TENM4: variants seen among roughly 807,000 people sequenced by gnomAD.
The protein encoded by TENM4 is teneurin transmembrane protein 4.
TENM4 carries 82 observed loss-of-function variants against 243.3 expected under a neutral mutation model. The observed-to-expected ratio is 0.34, with a 90% CI of 0.28 to 0.40. The LOEUF (loss-of-function observed/expected upper bound fraction) is 0.40. Among genes scored for constraint, TENM4 ranks in the 10% least tolerant of loss-of-function variants. The pLI, the probability that TENM4 is intolerant of heterozygous loss-of-function variation, is 1.00. For missense variants in TENM4, 3,138 were observed against 3,673.3 expected (o/e 0.85, Z 3.77); for synonymous variants, 1,412 against 1,456.3 (o/e 0.97, Z 0.69).
chr11:79,315,393 G>T (rs1157236739), intron 1 of TENM4, among the ~76,000 whole-genome samples: 12 of 152,206 alleles, frequency 7.9e-5, no homozygotes, highest in Admixed American at 7.8e-4. Flanking sequence ...ACATCACATG[G>T]CCCCTGGAAA....
At chr11:78,997,915 G>T (rs1321188122) in intron 6 of TENM4, among the ~76,000 whole-genome samples, 1 of 152,186 alleles carries the variant, frequency 6.6e-6, no homozygotes, top group Admixed American at 6.5e-5. Context: ...AGGAGGAAAA[G>T]AGAAGTCTTC....
chr11:79,423,207 A>G (rs1258521265), intron 1 of TENM4, among the ~76,000 whole-genome samples: 1 of 152,144 alleles, frequency 6.6e-6, no homozygotes, highest in Non-Finnish European at 1.5e-5. Context: ...TTGACTAAGC[A>G]CCTACCATGT....
At chr11:79,068,292 T>C (rs12806326) in intron 5 of TENM4, 91,804 of 152,166 alleles carry the variant, frequency 0.6, 28,170 homozygotes, top group African/African-American at 0.64. Flanking sequence ...TGTTTATCCC[T>C]TTGCACAGGT....
In TENM4 at chr11:79,391,239, T is replaced by C. The variant is rs1421444741; in HGVS notation, c.-321+49270A>G. ...CTACAAGGGTGAGCTATTGCTATTG[T>C]TTTATAGTTCCTTTTTTTTTTCCAT... On this transcript the variant is annotated intron_variant, in intron 1 of 33. Coordinates refer to ENST00000278550, the MANE Select transcript of TENM4 (RefSeq NM_001098816.3). Among the ~76,000 whole-genome samples the C allele has an allele frequency of 4.6e-5, 7 of 152,138 alleles. No homozygotes were observed. The East Asian group carries it at 1.3e-3, about 29-fold the overall frequency.
At chr11:79,282,839 A>G (rs983724356) in intron 2 of TENM4, among the ~76,000 whole-genome samples, 5 of 151,776 alleles carry the variant, frequency 3.3e-5, no homozygotes, top group Non-Finnish European at 7.4e-5. Flanking sequence ...TGCAGGAAAA[A>G]GGCAGGAATT....
At chr11:78,675,205 T>G (rs929258801) in intron 30 of TENM4, among the ~76,000 whole-genome samples, 1 of 152,178 alleles carries the variant, frequency 6.6e-6, no homozygotes, top group Non-Finnish European at 1.5e-5. Flanking sequence ...TATGAGACTC[T>G]GGAAAAATCG....
chr11:79,281,556 G>A (rs145344201), intron 2 of TENM4, among the ~76,000 whole-genome samples: 4 of 152,242 alleles, frequency 2.6e-5, no homozygotes, highest in African/African-American at 9.6e-5. Flanking sequence ...GGAAATCATA[G>A]TCAAGATCAG....
chr11:79,008,229 A>G lies in TENM4; in HGVS notation c.493+56509T>C, dbSNP rs144840649. On this transcript the variant is annotated intron_variant, in intron 6 of 33. Transcript: ENST00000278550. ...AAGCAATTTCCTTAGCAAAGAAAAA[A>G]TATGCTCCAGAGACAGAGCGATTTC... Among the ~76,000 whole-genome samples the G allele has an allele frequency of 2.0e-3, 299 of 152,308 alleles. 1 individual carries two copies. Among genetic ancestry groups the G allele is most frequent in the Admixed American group, 4.0e-3 (61 of 15,294 alleles).
At chr11:79,096,501 A>T (rs933905601) in intron 4 of TENM4, 1 of 70,914 alleles carries the variant, frequency 1.4e-5, no homozygotes, top group African/African-American at 5.3e-5. Flanking sequence ...ACCCCACCCC[A>T]CCCCCACTCT....
At chr11:78,700,748 G>A (rs1310132720) in intron 28 of TENM4, among the ~76,000 whole-genome samples, 1 of 152,148 alleles carries the variant, frequency 6.6e-6, no homozygotes, top group African/African-American at 2.4e-5. Flanking sequence ...GTGGGCACTA[G>A]GACTGAAATA....
chr11:79,213,574 A>G (rs676026), intron 3 of TENM4, among the ~76,000 whole-genome samples: 55,454 of 152,028 alleles, frequency 0.36, 11,814 homozygotes, highest in Middle Eastern at 0.51. Flanking sequence ...TTCCTCCTCC[A>G]ATTTAGATGA....
At chr11:79,390,154 A>G (rs1182525480) in intron 1 of TENM4, among the ~76,000 whole-genome samples, 1 of 152,210 alleles carries the variant, frequency 6.6e-6, no homozygotes, top group Non-Finnish European at 1.5e-5. Flanking sequence ...CTCAGAGGTT[A>G]AAGGAAGAGG....
chr11:79,281,270 AGAG>A (rs541121978), intron 2 of TENM4, among the ~76,000 whole-genome samples: 5 of 152,290 alleles, frequency 3.3e-5, no homozygotes, highest in Admixed American at 2.6e-4. Context: ...TTTATTTCAC[AGAG>A]GAGGAGATGG....
intron 6 of TENM4, among the ~76,000 whole-genome samples, chr11:78,943,821 C>T (rs1284530935): frequency 6.6e-6 from 1 of 152,182 alleles, no homozygotes; most frequent in African/African-American, 2.4e-5. Flanking sequence ...CTATTCTGTA[C>T]TTAAAATGCT....
At chr11:79,419,235 T>C (rs947397241) in intron 1 of TENM4, among the ~76,000 whole-genome samples, 1 of 152,160 alleles carries the variant, frequency 6.6e-6, no homozygotes. Flanking sequence ...GTCATGGCAA[T>C]GTTGAATCAA....
chr11:78,946,970 T>C lies in TENM4; in HGVS notation c.494-43447A>G, dbSNP rs1272451696. ...ACTCTTGATGAAGATGCTGTGAACA[T>C]TGTTGAAATGACTGCAAAGAATTTA... On this transcript the variant is annotated intron_variant, in intron 6 of 33. Transcript: ENST00000278550. Among the ~76,000 whole-genome samples the C allele has an allele frequency of 2.6e-5, 4 of 152,184 alleles. No homozygotes were observed. In the East Asian group the frequency reaches 7.7e-4, roughly 29 times the overall value.
intron 6 of TENM4, among the ~76,000 whole-genome samples, chr11:79,019,411 C>T (rs1260484316): frequency 6.6e-6 from 1 of 152,164 alleles, no homozygotes; most frequent in Non-Finnish European, 1.5e-5. Flanking sequence ...CTCTCCAAAG[C>T]CCAACTCTTC....
chr11:78,831,643 C>G (rs1057405369), intron 12 of TENM4, among the ~76,000 whole-genome samples: 1 of 152,166 alleles, frequency 6.6e-6, no homozygotes, highest in Non-Finnish European at 1.5e-5. Flanking sequence ...GGTAGTGCAG[C>G]GGGGCTGGCA....
At chr11:79,146,615 G>A (rs148674893) in intron 4 of TENM4, among the ~76,000 whole-genome samples, 30 of 151,996 alleles carry the variant, frequency 2.0e-4, no homozygotes, top group African/African-American at 5.5e-4. Context: ...TTTATCTAAC[G>A]AGTTAACACA....
Sources: allele counts gnomAD v4.1 joint callset (sites outside exome capture counted in the v4.1 genomes callset), GRCh38; gene constraint gnomAD v4.1.1; transcripts MANE v1.5; gene names NCBI Gene and HGNC (gene_info 2026-07-23, HGNC 2026-07-21).